Variants in EZH2 observed in about 807,000 individuals in gnomAD.
EZH2 encodes histone-lysine N-methyltransferase EZH2.
In EZH2, 18 loss-of-function variants were observed where a neutral mutation model predicts 98.4. That is an observed-to-expected ratio of 0.18 (90% confidence interval 0.13 to 0.27). The LOEUF is 0.27. Among genes scored for constraint, EZH2 ranks in the 10% least tolerant of loss-of-function variants. The pLI, the probability that EZH2 is intolerant of heterozygous loss-of-function variation, is 1.00. For synonymous variants in EZH2, 338 were observed against 312.3 expected (o/e 1.08, Z -0.87); for missense variants, 470 against 935.1 (o/e 0.50, Z 6.49).
At chr7:148,862,954 G>A (rs1817910448) in intron 1 of EZH2, among the ~76,000 whole-genome samples, 1 of 151,302 alleles carries the variant, frequency 6.6e-6, no homozygotes, top group Non-Finnish European at 1.5e-5. Context: ...GAACAACTCA[G>A]TATTATTATG....
At chr7:148,817,164 T>C (rs1804779558) in intron 11 of EZH2, 58 bp downstream of exon 11, 3 of 1,486,202 alleles carry the variant, frequency 2.0e-6, no homozygotes, top group South Asian at 2.6e-5. Context: ...GGACAACGAG[T>C]ACAGTTTTAT....
chr7:148,834,352 T>TATATATATATATATATATATATATACAC (rs1321608007), intron 3 of EZH2, among the ~76,000 whole-genome samples: 2 of 143,320 alleles, frequency 1.4e-5, no homozygotes, highest in African/African-American at 5.2e-5. Flanking sequence ...TATATATATA[T>TATATATATATATATATATATATATACAC]ACACACACAC....
At chr7:148,830,014 C>T (rs1040801721) in intron 4 of EZH2, among the ~76,000 whole-genome samples, 166 bp from the exon 5 acceptor site, 2 of 151,970 alleles carry the variant, frequency 1.3e-5, no homozygotes, top group African/African-American at 4.8e-5. Flanking sequence ...ATAAAAGACC[C>T]CTCTCACCAA....
chr7:148,853,627 T>C (rs1816268987), intron 1 of EZH2, among the ~76,000 whole-genome samples: 1 of 152,144 alleles, frequency 6.6e-6, no homozygotes, highest in Non-Finnish European at 1.5e-5. Context: ...TTTAAAACCA[T>C]CTCTAGATTA....
chr7:148,879,224 TCAAAAAACAAAAACAAAAA>T (rs371882642), intron 1 of EZH2, among the ~76,000 whole-genome samples: 4,550 of 148,336 alleles, frequency 0.031, 224 homozygotes, highest in African/African-American at 0.11. Context: ...AGACTCCATA[TCAAAAAACAAAAACAAAAA>T]CAAAAAACAA....
In EZH2 at chr7:148,813,999, A is replaced by G; in HGVS notation, c.1811T>C (p.Val604Ala). The G allele has an allele frequency of 6.2e-7, 1 of 1,614,148 alleles. No individual in the cohort carries two copies. Among genetic ancestry groups the G allele is most frequent in the Non-Finnish European group, 8.5e-7 (1 of 1,180,020 alleles). The change falls in exon 15 of 20, where the codon GTG (valine) becomes GCG (alanine). Residue 604 changes from valine to alanine, a missense_variant. Transcript: ENST00000320356. ...CTGAATACTGCAGTTCTTGCAGGAC[A>G]CATTTTTACTGTCCCAATGGTCAGC... ...GAADHWDSKN[V>A]SCKNCSIQRG...
intron 1 of EZH2, among the ~76,000 whole-genome samples, chr7:148,866,514 ATATG>A (rs758142997): frequency 0.025 from 2,510 of 101,968 alleles, 38 homozygotes; most frequent in Non-Finnish European, 0.039. Flanking sequence ...ATATACATAT[ATATG>A]TGTATATACA....
intron 18 of EZH2, 61 bp from the exon 19 acceptor site, chr7:148,809,216 T>G (rs1802378704): frequency 8.8e-6 from 14 of 1,586,752 alleles, no homozygotes; most frequent in Non-Finnish European, 1.2e-5. Flanking sequence ...GTTAACTGAC[T>G]TGTTCACATA....
At chr7:148,810,161 C>G (rs1395581118) in intron 17 of EZH2, 172 bp downstream of exon 17, 1 of 495,928 alleles carries the variant, frequency 2.0e-6, no homozygotes, top group African/African-American at 1.9e-5. Flanking sequence ...CTATCTGCTC[C>G]CTGAGGAATT....
In EZH2 at chr7:148,820,621, C is replaced by T. The variant is rs1383779628; in HGVS notation, c.908-934G>A. Reference sequence around the variant, plus strand: ...TTCAAGGCTCAGATTCTGTTGGAAGCGTGTGAGCAATTAGGCTCCAGACAG... The same window carrying T: ...TTCAAGGCTCAGATTCTGTTGGAAGTGTGTGAGCAATTAGGCTCCAGACAG... On this transcript the variant is annotated intron_variant, in intron 8 of 19. Transcript: ENST00000320356. Among the ~76,000 whole-genome samples the T allele has an allele frequency of 2.6e-5, 4 of 151,384 alleles. No individual in the cohort carries two copies. The East Asian group carries it at 7.7e-4, about 29-fold the overall frequency.
chr7:148,835,017 G>A (rs915062848), intron 3 of EZH2, among the ~76,000 whole-genome samples: 4 of 152,220 alleles, frequency 2.6e-5, no homozygotes, highest in Admixed American at 2.0e-4. Flanking sequence ...TGGATTTAAA[G>A]TCTGACTGCA....
chr7:148,809,766 G>GA (rs1397231414), intron 17 of EZH2, among the ~76,000 whole-genome samples: 1 of 151,654 alleles, frequency 6.6e-6, no homozygotes, highest in East Asian at 1.9e-4. Flanking sequence ...AGCATTCATA[G>GA]AAAAAAACCT....
chr7:148,814,712 A>G (rs1804081471), intron 14 of EZH2, among the ~76,000 whole-genome samples: 1 of 152,188 alleles, frequency 6.6e-6, no homozygotes. Flanking sequence ...CCTGCCTCAC[A>G]CACACAGACA....
chr7:148,858,327 CTAT>C (rs973141344), intron 1 of EZH2, among the ~76,000 whole-genome samples: 3 of 151,618 alleles, frequency 2.0e-5, no homozygotes, highest in African/African-American at 7.3e-5. Context: ...AGAGCTTGTA[CTAT>C]TATTATTATT....
intron 15 of EZH2, among the ~76,000 whole-genome samples, chr7:148,813,052 T>TACACACACACACACACACACAC (rs142835355): frequency 1.4e-4 from 19 of 132,180 alleles, no homozygotes; most frequent in Admixed American, 1.4e-3. Context: ...ACACCCCACA[T>TACACACACACACACACACACAC]ACACACACAC....
chr7:148,835,633 AATTTTC>A (rs1293689894), intron 3 of EZH2, among the ~76,000 whole-genome samples: 1 of 151,878 alleles, frequency 6.6e-6, no homozygotes, highest in Non-Finnish European at 1.5e-5. Context: ...AGTACAAAAC[AATTTTC>A]ATTTCTTAAA....
chr7:148,851,552 G>A (rs934316549), intron 1 of EZH2, among the ~76,000 whole-genome samples: 6 of 152,076 alleles, frequency 3.9e-5, no homozygotes, highest in Non-Finnish European at 8.8e-5. Flanking sequence ...CAACACCACA[G>A]CCAAGTAAGC....
chr7:148,810,441 T>TA (rs1802703143), intron 16 of EZH2, 27 bp from the exon 17 acceptor site: 14 of 1,532,780 alleles, frequency 9.1e-6, no homozygotes, highest in Non-Finnish European at 1.2e-5. Context: ...AGGAGAAAAT[T>TA]CTTTTGGATA....
chr7:148,882,307 G>A (rs1351984943), intron 1 of EZH2, among the ~76,000 whole-genome samples: 2 of 152,066 alleles, frequency 1.3e-5, no homozygotes, highest in African/African-American at 2.4e-5. Flanking sequence ...CCAGAAGAAC[G>A]CCTATGTTTT....
Sources: gnomAD v4.1 joint callset for allele counts (sites outside exome capture counted in the v4.1 genomes callset) on GRCh38, gnomAD v4.1.1 for gene constraint, MANE v1.5 for transcripts, NCBI Gene and HGNC (gene_info 2026-07-23, HGNC 2026-07-21) for gene names.